ENOX2: variants seen among roughly 807,000 people sequenced by gnomAD.
The protein encoded by ENOX2 is ecto-NOX disulfide-thiol exchanger 2, also known as APK1 antigen.
Under a neutral mutation model 45.0 loss-of-function variants are expected in ENOX2, and 36 were observed. The observed-to-expected ratio is 0.80, with a 90% confidence interval of 0.61 to 1.06. The LOEUF (loss-of-function observed/expected upper bound fraction) is 1.06, where lower values mean the gene tolerates loss of function less well. ENOX2 is among the 50% of genes least tolerant of loss of function. The pLI, the probability that ENOX2 is intolerant of heterozygous loss-of-function variation, is 0.00. For missense variants in ENOX2, 423 were observed against 462.5 expected (o/e 0.91, Z 0.78); for synonymous variants, 174 against 152.3 (o/e 1.14, Z -1.05).
At position 130,857,832 on chromosome X, in the gene ENOX2, T is replaced by C. The variant is rs746499308; in HGVS notation, c.-183+43852A>G. Among the ~76,000 whole-genome samples the C allele has an allele frequency of 4.5e-5, 5 of 112,021 alleles. No individual in the cohort carries two copies. In the South Asian group the frequency reaches 1.8e-3, roughly 41 times the overall value. On this transcript the variant is annotated intron_variant, in intron 2 of 14. Transcript: ENST00000394363. ...AAAAGAATGCTGAATTCAATAAAAG[T>C]ATTCCTTTAAACAGCAAAATGTAAT...
chrX:130,845,959 T>C (rs2078096699), intron 2 of ENOX2, among the ~76,000 whole-genome samples: 1 of 112,403 alleles, frequency 8.9e-6, no homozygotes, highest in Non-Finnish European at 1.9e-5. Flanking sequence ...TTGAATATCA[T>C]AAAACTTTGA....
chrX:130,715,404 C>T (rs926004694), intron 3 of ENOX2, among the ~76,000 whole-genome samples: 3 of 112,181 alleles, frequency 2.7e-5, no homozygotes, highest in African/African-American at 9.7e-5. Context: ...ATGGCTCTGC[C>T]TTGGGCCAGC....
intron 2 of ENOX2, among the ~76,000 whole-genome samples, chrX:130,813,572 G>C (rs1432800825): frequency 8.9e-6 from 1 of 111,759 alleles, no homozygotes; most frequent in Non-Finnish European, 1.9e-5. Flanking sequence ...ACTGGGACTG[G>C]TTAGACAGTG....
At chrX:130,697,434 T>C (rs771887887) in intron 4 of ENOX2, among the ~76,000 whole-genome samples, 1 of 112,428 alleles carries the variant, frequency 8.9e-6, no homozygotes, top group African/African-American at 3.2e-5. Context: ...CATGCCCATA[T>C]TGGAATCCCC....
At chrX:130,807,876 G>A (rs1040045204) in intron 2 of ENOX2, among the ~76,000 whole-genome samples, 2 of 111,833 alleles carry the variant, frequency 1.8e-5, no homozygotes, top group African/African-American at 6.5e-5. Flanking sequence ...TTAACTCCTC[G>A]AACATTGATT....
intron 6 of ENOX2, among the ~76,000 whole-genome samples, chrX:130,670,733 A>G (rs2036965820): frequency 9.1e-6 from 1 of 109,941 alleles, no homozygotes; most frequent in Non-Finnish European, 1.9e-5. Context: ...TTTTCTAAAA[A>G]AAAAAAAAGA....
At chrX:130,851,056 G>A (rs1357207834) in intron 2 of ENOX2, among the ~76,000 whole-genome samples, 3 of 112,354 alleles carry the variant, frequency 2.7e-5, no homozygotes, top group African/African-American at 9.7e-5. Context: ...TATAATTTCT[G>A]AAGGAAATCT....
In ENOX2 at chrX:130,637,356, T is replaced by G; in HGVS notation, c.1184A>C (p.Gln395Pro). 1 of 1,211,080 alleles carries G rather than the reference T, an allele frequency of 8.3e-7. No homozygotes were observed. The highest frequency in any genetic ancestry group is 1.1e-6 in the Non-Finnish European group (1 of 894,746). Residue 395 changes from glutamine to proline, a missense_variant, in exon 11 of 15, where the codon CAG becomes CCG. By Grantham distance (76) the Gln-to-Pro change is moderately conservative. Transcript: ENST00000394363. The stretch of plus-strand genomic sequence containing the variant: ...TACTTCATTCCGGTAGGCATCGAGC[T>G]GCCAACGGAGGCTGTCATTTTCTTC... ...LKEENDSLRW[Q>P]LDAYRNEVEL...
At chrX:130,812,573 C>T (rs1417097094) in intron 2 of ENOX2, among the ~76,000 whole-genome samples, 3 of 111,868 alleles carry the variant, frequency 2.7e-5, no homozygotes, top group Admixed American at 1.9e-4. Context: ...ATCTGCAAAA[C>T]AACCAGAAGA....
chrX:130,706,844 A>G (rs1157160614), intron 3 of ENOX2, among the ~76,000 whole-genome samples: 1 of 111,744 alleles, frequency 8.9e-6, no homozygotes, highest in Non-Finnish European at 1.9e-5. Context: ...CTTAGTTACA[A>G]CCAGGGATAT....
chrX:130,889,317 A>T (rs1297590678), intron 2 of ENOX2, among the ~76,000 whole-genome samples: 1 of 112,088 alleles, frequency 8.9e-6, no homozygotes, highest in African/African-American at 3.2e-5. Flanking sequence ...GAGCAGGGAT[A>T]TCAGATGTCA....
At chrX:130,632,173 A>T (rs1361741146) in intron 12 of ENOX2, among the ~76,000 whole-genome samples, 1 of 110,804 alleles carries the variant, frequency 9.0e-6, no homozygotes, top group Non-Finnish European at 1.9e-5. Context: ...ACTGACAGTT[A>T]ATCAACTGTT....
chrX:130,885,464 A>G (rs2078885533), intron 2 of ENOX2, among the ~76,000 whole-genome samples: 1 of 112,167 alleles, frequency 8.9e-6, no homozygotes, highest in African/African-American at 3.2e-5. Context: ...CACTGTCTAA[A>G]TGTTTTATAC....
chrX:130,641,319 C>T (rs1215436190), intron 10 of ENOX2, among the ~76,000 whole-genome samples: 3 of 111,748 alleles, frequency 2.7e-5, no homozygotes, highest in East Asian at 2.8e-4. Flanking sequence ...AAAATATTTA[C>T]GGAGTTAAGA....
chrX:130,709,374 A>C, intron 3 of ENOX2: 39 of 891,638 alleles, frequency 4.4e-5, no homozygotes, highest in Non-Finnish European at 5.8e-5. Flanking sequence ...GTGGTAGCTC[A>C]TGCTTGTAAA....
chrX:130,726,407 C>T (rs1017548443), intron 3 of ENOX2, among the ~76,000 whole-genome samples: 16 of 112,260 alleles, frequency 1.4e-4, no homozygotes, highest in African/African-American at 5.2e-4. Flanking sequence ...AGAGACTGAC[C>T]AGACAGTTAC....
intron 2 of ENOX2, among the ~76,000 whole-genome samples, chrX:130,815,862 G>C (rs952122599): frequency 6.3e-5 from 7 of 111,426 alleles, no homozygotes; most frequent in African/African-American, 2.0e-4. Flanking sequence ...TAACCAGCTA[G>C]CATCATCATG....
At chrX:130,671,450 T>C (rs1194540585) in intron 6 of ENOX2, among the ~76,000 whole-genome samples, 2 of 111,158 alleles carry the variant, frequency 1.8e-5, no homozygotes, top group African/African-American at 3.3e-5. Flanking sequence ...CAGGGCACGA[T>C]GGTGTTCCCA....
chrX:130,840,596 G>T (rs946670651), intron 2 of ENOX2, among the ~76,000 whole-genome samples: 1 of 110,635 alleles, frequency 9.0e-6, no homozygotes, highest in African/African-American at 3.3e-5. Context: ...GCCGGGCATG[G>T]TGGCTCATTC....
Sources: gnomAD v4.1 joint callset for allele counts (sites outside exome capture counted in the v4.1 genomes callset) on GRCh38, gnomAD v4.1.1 for gene constraint, MANE v1.5 for transcripts, NCBI Gene and HGNC (gene_info 2026-07-23, HGNC 2026-07-21) for gene names.